SPMIP11: variants seen among roughly 807,000 people sequenced by gnomAD.
The protein encoded by SPMIP11 is long intergenic non-protein coding RNA 935.
At chr12:48,749,787 G>A in the SPMIP11 span, among the ~76,000 whole-genome samples, 45 of 150,166 alleles carry the variant, frequency 3.0e-4, no homozygotes, top group South Asian at 6.5e-4. Context: ...TGCCTCCCGG[G>A]TTCATGCTAT....
At chr12:48,741,436 G>A in the SPMIP11 span, among the ~76,000 whole-genome samples, 4 of 152,090 alleles carry the variant, frequency 2.6e-5, no homozygotes, top group East Asian at 7.7e-4. Flanking sequence ...CTCATGATTA[G>A]ATTGAGTTTA....
the SPMIP11 span, among the ~76,000 whole-genome samples, chr12:48,753,084 CCTTGTTGTATGAAAAT>C: frequency 6.6e-6 from 1 of 152,180 alleles, no homozygotes; most frequent in South Asian, 2.1e-4. Flanking sequence ...AAACTCCTTG[CCTTGTTGTATGAAAAT>C]CTTGTGTCAG....
At chr12:48,753,753 G>T in the SPMIP11 span, among the ~76,000 whole-genome samples, 2 of 143,202 alleles carry the variant, frequency 1.4e-5, no homozygotes, top group East Asian at 4.1e-4. Flanking sequence ...CCAGGCTGGA[G>T]TGCAGTGGCG....
At chr12:48,744,197 G>A in the SPMIP11 span, among the ~76,000 whole-genome samples, 1 of 149,000 alleles carries the variant, frequency 6.7e-6, no homozygotes, top group Non-Finnish European at 1.5e-5. Flanking sequence ...GTGGTGAGCC[G>A]AGATCGTGCC....
the SPMIP11 span, chr12:48,764,788 G>A: frequency 1.5e-6 from 1 of 683,998 alleles, no homozygotes; most frequent in Non-Finnish European, 2.7e-6. Context: ...CTGCCCTGAG[G>A]CAGAACAGTG....
the SPMIP11 span, among the ~76,000 whole-genome samples, chr12:48,757,909 G>A: frequency 6.6e-5 from 10 of 151,704 alleles, no homozygotes; most frequent in South Asian, 1.0e-3. Context: ...CAGGAGAATC[G>A]CTTGAACCCG....
chr12:48,770,704 T>C, the SPMIP11 span: 2 of 1,547,498 alleles, frequency 1.3e-6, no homozygotes, highest in Admixed American at 3.3e-5. Context: ...CCCCAGCCTA[T>C]AATCCCAGCT....
At chr12:48,731,485 C>T in the SPMIP11 span, among the ~76,000 whole-genome samples, 3 of 148,962 alleles carry the variant, frequency 2.0e-5, no homozygotes, top group Non-Finnish European at 4.5e-5. Context: ...AGCGAGACTC[C>T]ATCTCAAAAA....
At chr12:48,728,707 CAAAAAAA>C in the SPMIP11 span, among the ~76,000 whole-genome samples, 1 of 70,970 alleles carries the variant, frequency 1.4e-5, no homozygotes, top group African/African-American at 6.0e-5. Context: ...GACTCTGTCT[CAAAAAAA>C]AAAAAAAAAA....
chr12:48,757,235 T>C, the SPMIP11 span, among the ~76,000 whole-genome samples: 1 of 152,048 alleles, frequency 6.6e-6, no homozygotes, highest in Non-Finnish European at 1.5e-5. Context: ...CCTCACCAAG[T>C]CTTGCTCTTC....
chr12:48,759,311 G>C, the SPMIP11 span: 1 of 702,920 alleles, frequency 1.4e-6, no homozygotes, highest in Non-Finnish European at 2.6e-6. Context: ...GAAGCTGTCC[G>C]GAAGGTGTTG....
chr12:48,730,199 T>G, the SPMIP11 span, among the ~76,000 whole-genome samples: 4 of 152,198 alleles, frequency 2.6e-5, no homozygotes, highest in Admixed American at 6.6e-5. Flanking sequence ...ATCATTTCTT[T>G]ATAGGCTAGA....
chr12:48,757,173 C>T, the SPMIP11 span, among the ~76,000 whole-genome samples: 1 of 151,986 alleles, frequency 6.6e-6, no homozygotes, highest in Non-Finnish European at 1.5e-5. Flanking sequence ...GATGGAACAG[C>T]CAAGAGACAG....
At chr12:48,736,314 A>G in the SPMIP11 span, 1 of 220,742 alleles carries the variant, frequency 4.5e-6, no homozygotes, top group Non-Finnish European at 9.1e-6. Context: ...CTGGAGGCTG[A>G]GGTGGGAGGA....
At chr12:48,766,931 A>G in the SPMIP11 span, 1 of 152,382 alleles carries the variant, frequency 6.6e-6, no homozygotes, top group Admixed American at 6.5e-5. Context: ...GAAAGGGGTA[A>G]AAGGAAGGCA....
chr12:48,741,877 G>A, the SPMIP11 span, among the ~76,000 whole-genome samples: 2 of 152,144 alleles, frequency 1.3e-5, no homozygotes, highest in South Asian at 2.1e-4. Flanking sequence ...GAGCTCAAGC[G>A]ATTCTCCCGC....
the SPMIP11 span, among the ~76,000 whole-genome samples, chr12:48,756,869 G>A: frequency 1.3e-5 from 2 of 149,648 alleles, no homozygotes; most frequent in Non-Finnish European, 3.0e-5. Flanking sequence ...CTCCACCTCC[G>A]GGATTCAAGC....
chr12:48,771,337 A>G, the SPMIP11 span: 2 of 481,888 alleles, frequency 4.2e-6, no homozygotes, highest in African/African-American at 1.9e-5. The surrounding 1 kb of genome is among the most constrained non-coding windows in gnomAD (Gnocchi z 4.3). Flanking sequence ...TGTTCAGGAC[A>G]CTACCTCACA....
chr12:48,741,916 G>C, the SPMIP11 span, among the ~76,000 whole-genome samples: 1 of 152,116 alleles, frequency 6.6e-6, no homozygotes, highest in African/African-American at 2.4e-5. Flanking sequence ...TGGCATTACA[G>C]GCGTGAGCCA....
Sources: gnomAD v4.1 joint callset for allele counts (sites outside exome capture counted in the v4.1 genomes callset) on GRCh38, gnomAD v4.1.1 for gene constraint, Gnocchi (gnomAD v3.1) non-coding constraint, MANE v1.5 for transcripts, NCBI Gene and HGNC (gene_info 2026-07-23, HGNC 2026-07-21) for gene names.